The following NEGR1 variants were observed in gnomAD, a reference collection of about 807,000 sequenced individuals.
NEGR1 encodes neuronal growth regulator 1.
Under a neutral mutation model 40.9 loss-of-function variants are expected in NEGR1, and 10 were observed. The observed-to-expected ratio is 0.24, with a 90% CI of 0.15 to 0.42. The LOEUF is 0.42. Among genes scored for constraint, NEGR1 ranks in the 10% least tolerant of loss-of-function variants. The probability of loss-of-function intolerance (pLI) is 1.00; values close to 1 mark genes in which losing one functional copy is unlikely to be tolerated. For synonymous variants in NEGR1, 185 were observed against 166.8 expected (o/e 1.11, Z -0.84); for missense variants, 352 against 438.9 (o/e 0.80, Z 1.77).
chr1:71,500,448 T>A (rs1646991692), intron 6 of NEGR1, among the ~76,000 whole-genome samples: 1 of 152,122 alleles, frequency 6.6e-6, no homozygotes, highest in South Asian at 2.1e-4. Context: ...AAGTGTAATA[T>A]CTTGATTTTT....
intron 6 of NEGR1, among the ~76,000 whole-genome samples, chr1:71,488,327 C>A (rs189765211): frequency 6.8e-4 from 104 of 151,884 alleles, no homozygotes; most frequent in Admixed American, 5.9e-3. Context: ...GTTCTGGGAG[C>A]TAATTCTGGT....
intron 5 of NEGR1, among the ~76,000 whole-genome samples, chr1:71,601,894 A>T (rs1649931345): frequency 6.6e-6 from 1 of 152,112 alleles, no homozygotes; most frequent in Admixed American, 6.6e-5. Flanking sequence ...TAGAAACCCA[A>T]ACCTCACCAT....
At chr1:72,021,837 A>G (rs1001805327) in intron 1 of NEGR1, among the ~76,000 whole-genome samples, 7 of 152,166 alleles carry the variant, frequency 4.6e-5, no homozygotes, top group African/African-American at 1.7e-4. Flanking sequence ...AAACTTTTTC[A>G]AAGCGTAGAA....
intron 1 of NEGR1, among the ~76,000 whole-genome samples, chr1:71,950,114 G>A (rs1379790489): frequency 6.6e-6 from 1 of 151,900 alleles, no homozygotes; most frequent in Non-Finnish European, 1.5e-5. Context: ...ATTCAAAGAT[G>A]GGTTTTTTAC....
intron 2 of NEGR1, among the ~76,000 whole-genome samples, chr1:71,854,254 T>TC (rs1659695409): frequency 6.6e-6 from 1 of 151,976 alleles, no homozygotes; most frequent in African/African-American, 2.4e-5. Context: ...TGCAAATTGC[T>TC]CCCCCTGTGA....
chr1:72,237,369 A>G (rs1295689564), intron 1 of NEGR1, among the ~76,000 whole-genome samples: 9 of 151,986 alleles, frequency 5.9e-5, no homozygotes, highest in African/African-American at 2.2e-4. Context: ...TAAACTGGGT[A>G]GCTTATAAAA....
At chr1:71,883,021 C>A (rs1386636195) in intron 2 of NEGR1, among the ~76,000 whole-genome samples, 1 of 152,060 alleles carries the variant, frequency 6.6e-6, no homozygotes, top group African/African-American at 2.4e-5. Context: ...TTTTACTTAA[C>A]TCAATTCAAT....
chr1:71,837,317 A>G (rs1007207273), intron 2 of NEGR1, among the ~76,000 whole-genome samples: 1 of 152,114 alleles, frequency 6.6e-6, no homozygotes, highest in African/African-American at 2.4e-5. Flanking sequence ...CAAAGTAGAT[A>G]TTATTCCTAC....
chr1:72,124,963 AATG>A (rs1362293239), intron 1 of NEGR1, among the ~76,000 whole-genome samples: 2 of 152,222 alleles, frequency 1.3e-5, no homozygotes, highest in South Asian at 2.1e-4. Flanking sequence ...AATATTTACT[AATG>A]ATGATAAAAA....
At chr1:72,136,796 C>A (rs920726579) in intron 1 of NEGR1, among the ~76,000 whole-genome samples, 1 of 151,982 alleles carries the variant, frequency 6.6e-6, no homozygotes, top group Non-Finnish European at 1.5e-5. Flanking sequence ...AAACTATCAG[C>A]AGAGTTAATA....
In NEGR1 at chr1:71,929,177, A is replaced by G. The variant is rs1242676836; in HGVS notation, c.409+5902T>C. ...AAGAAGCTATAGATCATGTACAAAA[A>G]AACATGGACAATTTTGGGACACCTA... On this transcript the variant is annotated intron_variant, in intron 2 of 6. Coordinates refer to ENST00000357731, the MANE Select transcript of NEGR1 (RefSeq NM_173808.3). 1.3e-5 allele frequency among the ~76,000 whole-genome samples: 2 copies of G among 152,120 alleles called. 1 individual carries two copies. The highest frequency in any genetic ancestry group is 2.9e-5 in the Non-Finnish European group (2 of 67,980).
chr1:71,628,884 T>A lies in NEGR1; in HGVS notation c.668-17738A>T, dbSNP rs901656713. On this transcript the variant is annotated intron_variant, in intron 4 of 6. Transcript: ENST00000357731. ...GTGCTGCAATAAATATATGTGTGCA[T>A]GTGTCTTTATAGCAGAATGATTTAT... Among the ~76,000 whole-genome samples the A allele has an allele frequency of 2.6e-5, 4 of 152,272 alleles. No individual in the cohort carries two copies. The East Asian group carries it at 7.7e-4, about 29-fold the overall frequency.
intron 2 of NEGR1, among the ~76,000 whole-genome samples, chr1:71,862,008 C>G (rs1478322603): frequency 6.6e-6 from 1 of 152,138 alleles, no homozygotes; most frequent in Non-Finnish European, 1.5e-5. Flanking sequence ...TTATGTGTGA[C>G]AGAAGACACA....
intron 2 of NEGR1, among the ~76,000 whole-genome samples, chr1:71,874,502 T>A (rs1660369405): frequency 6.6e-6 from 1 of 152,184 alleles, no homozygotes; most frequent in Non-Finnish European, 1.5e-5. Flanking sequence ...TCCACAGCCA[T>A]TCATTCTCAT....
intron 1 of NEGR1, among the ~76,000 whole-genome samples, chr1:72,261,942 A>G (rs1655472289): frequency 1.3e-5 from 2 of 152,056 alleles, no homozygotes; most frequent in South Asian, 4.1e-4. Context: ...TGTATACACT[A>G]AATGCCTAGA....
chr1:71,560,131 C>T lies in NEGR1; in HGVS notation c.940+32686G>A, dbSNP rs140084401. Among the ~76,000 whole-genome samples, 378 of 151,174 alleles carry T rather than the reference C, an allele frequency of 2.5e-3. 3 individuals carry two copies. Among genetic ancestry groups the T allele is most frequent in the African/African-American group, 8.8e-3 (365 of 41,342 alleles). Reference sequence around the variant, plus strand: ...GATGATAACTATATATGAAAGTCATCGTTTATGAGAACTTTTTTGTTCCTT... The same window carrying T: ...GATGATAACTATATATGAAAGTCATTGTTTATGAGAACTTTTTTGTTCCTT... On this transcript the variant is annotated intron_variant, in intron 6 of 6. Transcript: ENST00000357731.
At chr1:71,469,517 T>C (rs1385769036) in intron 6 of NEGR1, among the ~76,000 whole-genome samples, 1 of 152,036 alleles carries the variant, frequency 6.6e-6, no homozygotes, top group African/African-American at 2.4e-5. Context: ...AATAGGGGGC[T>C]GCAAATGAAA....
chr1:71,929,001 C>T (rs1303383852), intron 2 of NEGR1, among the ~76,000 whole-genome samples: 1 of 151,944 alleles, frequency 6.6e-6, no homozygotes, highest in Non-Finnish European at 1.5e-5. Context: ...GTATGTATAC[C>T]CCTATCCATG....
intron 6 of NEGR1, among the ~76,000 whole-genome samples, chr1:71,437,938 G>T (rs958696399): frequency 6.6e-6 from 1 of 152,120 alleles, no homozygotes; most frequent in Non-Finnish European, 1.5e-5. Flanking sequence ...GCCTTTTAGT[G>T]GCCTCTCAAG....
Sources: allele counts gnomAD v4.1 joint callset (sites outside exome capture counted in the v4.1 genomes callset), GRCh38; gene constraint gnomAD v4.1.1; transcripts MANE v1.5; gene names NCBI Gene and HGNC (gene_info 2026-07-23, HGNC 2026-07-21).